DNAH2: variants seen among roughly 807,000 people sequenced by gnomAD.
DNAH2 encodes dynein axonemal heavy chain 2.
A neutral mutation model predicts 523.5 loss-of-function variants in DNAH2; 323 were observed. That is an observed-to-expected ratio of 0.62 (90% CI 0.56 to 0.68). The LOEUF (loss-of-function observed/expected upper bound fraction) is 0.68, where lower values mean the gene tolerates loss of function less well. Among genes scored for constraint, DNAH2 ranks in the 30% least tolerant of loss-of-function variants. The pLI is 0.00. For missense variants in DNAH2, 4,907 were observed against 5,701.5 expected, an observed-to-expected ratio of 0.86 and a Z score of 4.49; for synonymous variants, 2,093 against 2,177.4, an observed-to-expected ratio of 0.96 and a Z score of 1.08.
In DNAH2 at chr17:7,763,841, G is replaced by A; in HGVS notation, c.2989G>A (p.Val997Ile). The stretch of plus-strand genomic sequence containing the variant: ...CTGGGGCTCTTGCAGCTACACGGAA[G>A]TTGCTAATAACGTGCAGAAGGAGGA... Reference protein sequence around the residue: ...FVADIARYTEVANNVQKEETV... With the variant: ...FVADIARYTEIANNVQKEETV... Residue 997 changes from valine (V) to isoleucine (I), a missense_variant, in exon 19 of 86, where the codon GTT becomes ATT. Transcript: ENST00000572933. 1 of 1,614,162 alleles carries A rather than the reference G, an allele frequency of 6.2e-7. No individual in the cohort carries two copies. The highest frequency in any genetic ancestry group is 1.1e-5 in the South Asian group (1 of 91,090).
intron 5 of DNAH2, among the ~76,000 whole-genome samples, chr17:7,733,718 C>T (rs528048305): frequency 6.6e-6 from 1 of 152,120 alleles, no homozygotes; most frequent in South Asian, 2.1e-4. Flanking sequence ...ACCTCATGAT[C>T]CACCCGCCTT....
chr17:7,735,862 C>T (rs1452761219), intron 7 of DNAH2, among the ~76,000 whole-genome samples: 1 of 152,110 alleles, frequency 6.6e-6, no homozygotes, highest in Non-Finnish European at 1.5e-5. Flanking sequence ...AAGCGATTCT[C>T]CTGCCTCAGC....
At position 7,763,971 on chromosome 17, in the gene DNAH2, G is replaced by A. The variant is rs778264907; in HGVS notation, c.3119G>A (p.Arg1040Lys). ...CAGAACAAGTTCGCGACTCTGCTCA[G>A]GGAGATGGCTGCTGGGCGCCTCCTG... The part of the protein sequence containing the change: ...EWQNKFATLL[R>K]EMAAGRLLEL... The change falls in exon 19 of 86, where the codon AGG becomes AAG. Residue 1040 changes from arginine to lysine, a missense_variant. By Grantham distance (26) the Arg-to-Lys change is conservative. Around this residue, in one of 3 missense-constraint regions of DNAH2, gnomAD observed 2,806 missense variants for 3,190.8 expected, o/e 0.88. Coordinates refer to ENST00000572933, the MANE Select transcript of DNAH2 (RefSeq NM_020877.5). 105 of 1,614,086 alleles carry A rather than the reference G, an allele frequency of 6.5e-5. No homozygotes were observed. The highest frequency in any genetic ancestry group is 5.0e-4 in the Admixed American group (30 of 60,002).
chr17:7,786,568 A>AGGAGTTCC lies in DNAH2; in HGVS notation c.6349-1_6355dup. On this transcript the variant is annotated splice_acceptor_variant, in intron 40 of 85. Transcript: ENST00000572933. LOFTEE classifies it high-confidence loss of function. This position sits in a 1 kb window ranked among gnomAD's most constrained non-coding sequence, Gnocchi z 7.5. ...TAAAACCCCTTCCGGTGTCATTTTC[A>AGGAGTTCC]GGAGTTCCCTTTGAACCCCAAGGCA... 6.2e-7 allele frequency: 1 copy of AGGAGTTCC among 1,612,890 alleles called. No homozygotes were observed. Among genetic ancestry groups the AGGAGTTCC allele is most frequent in the Non-Finnish European group, 8.5e-7 (1 of 1,179,226 alleles).
chr17:7,798,829 C>T lies in DNAH2; in HGVS notation c.8559+111C>T. On this transcript the variant is annotated intron_variant, in intron 55 of 85. Coordinates refer to ENST00000572933, the MANE Select transcript of DNAH2 (RefSeq NM_020877.5). This position sits in a 1 kb window ranked among gnomAD's most constrained non-coding sequence, Gnocchi z 5.5. ...ACTGGCACACCCCCACTGCCACACC[C>T]CCACTGCCCACCTCAGCCCTGTAAG... The T allele has an allele frequency of 5.1e-6, 7 of 1,378,912 alleles. No homozygotes were observed. Among genetic ancestry groups the T allele is most frequent in the Admixed American group, 1.9e-5 (1 of 51,876 alleles). The allele number at this position is 1,378,912 out of a possible 1,614,324, so 85.4% of individuals were successfully genotyped here.
In DNAH2 at chr17:7,817,791, T is replaced by G. The variant is rs779997677; in HGVS notation, c.10171T>G (p.Trp3391Gly). ...CTCTGACCTGTACTCCCCTTCCAGGTGGGCACTGATGATCGACCCTCAGGC... is the reference window on the plus strand; with the variant it reads ...CTCTGACCTGTACTCCCCTTCCAGGGGGGCACTGATGATCGACCCTCAGGC... ...NGIIVTRGNR[W>G]ALMIDPQAQA... Residue 3391 changes from tryptophan to glycine, a missense_variant and splice_region_variant, in exon 67 of 86, where the codon TGG (tryptophan) becomes GGG (glycine). Coordinates refer to ENST00000572933, the MANE Select transcript of DNAH2 (RefSeq NM_020877.5). 1 of 1,613,930 alleles carries G rather than the reference T, an allele frequency of 6.2e-7. No individual in the cohort carries two copies. Among genetic ancestry groups the G allele is most frequent in the Non-Finnish European group, 8.5e-7 (1 of 1,179,986 alleles).
intron 11 of DNAH2, among the ~76,000 whole-genome samples, chr17:7,741,859 C>A (rs1220194716): frequency 1.3e-5 from 2 of 150,188 alleles, no homozygotes; most frequent in African/African-American, 2.5e-5. Flanking sequence ...GAAGAGGTTT[C>A]TCCATGTTGG....
chr17:7,823,628 G>A lies in DNAH2; in HGVS notation c.11329G>A (p.Gly3777Ser). ...TGCCCCGGAGAAGGCGATGCTGCCA[G>A]GTACCAGGCGTCTGTGTCCCACTCT... ...NAAPEKAMLP[G>S]EWENACNEMQ... Residue 3777 changes from glycine to serine, a missense_variant and splice_region_variant, in exon 74 of 86, where the codon GGT becomes AGT. By Grantham distance (56) the Gly-to-Ser change is moderately conservative. Transcript: ENST00000572933. 1.2e-6 allele frequency: 2 copies of A among 1,613,538 alleles called. No individual in the cohort carries two copies. Among genetic ancestry groups the A allele is most frequent in the South Asian group, 2.2e-5 (2 of 91,046 alleles).
At chr17:7,787,071 C>T in intron 42 of DNAH2, 38 bp downstream of exon 42, 1 of 1,610,272 alleles carries the variant, frequency 6.2e-7, no homozygotes, top group Non-Finnish European at 8.5e-7. Flanking sequence ...CCTGCAGAGG[C>T]AGGCACCGGA....
At chr17:7,724,684 T>C (rs912959727) in intron 3 of DNAH2, among the ~76,000 whole-genome samples, 1 of 151,706 alleles carries the variant, frequency 6.6e-6, no homozygotes, top group African/African-American at 2.4e-5. Context: ...CTTTTACTTT[T>C]GTGCACAGGT....
At chr17:7,811,196 T>C (rs2077507793) in intron 63 of DNAH2, among the ~76,000 whole-genome samples, 1 of 152,200 alleles carries the variant, frequency 6.6e-6, no homozygotes, top group African/African-American at 2.4e-5. Context: ...TTGTCCAACA[T>C]AACATATCAG....
At position 7,798,036 on chromosome 17, in the gene DNAH2, C is replaced by G. The variant is rs1183803647; in HGVS notation, c.8231-121C>G. ...CCTCCTGGGCCTTGGGCACCAACTT[C>G]TTCTCATACCTCTTGGTTCCTCTGC... is the stretch of plus-strand genomic sequence containing the variant. On this transcript the variant is annotated intron_variant, in intron 53 of 85. Coordinates refer to ENST00000572933, the MANE Select transcript of DNAH2 (RefSeq NM_020877.5). This position sits in a 1 kb window ranked among gnomAD's most constrained non-coding sequence, Gnocchi z 5.5. 7.0e-7 allele frequency: 1 copy of G among 1,419,814 alleles called. No homozygotes were observed. 88.0% of individuals were successfully genotyped at this position (1,419,814 alleles called of 1,614,324 possible).
intron 4 of DNAH2, 48 bp from the exon 5 acceptor site, chr17:7,733,039 C>A: frequency 6.3e-7 from 1 of 1,591,540 alleles, no homozygotes; most frequent in South Asian, 1.1e-5. Context: ...GACTGGGTGT[C>A]ATGGCTGGGC....
chr17:7,758,820 G>T (rs998221805), intron 14 of DNAH2, 65 bp from the exon 15 acceptor site: 10 of 1,595,534 alleles, frequency 6.3e-6, no homozygotes, highest in Non-Finnish European at 8.5e-6. Context: ...AAGTGGGAGG[G>T]TAGAATGAGG....
intron 26 of DNAH2, 35 bp downstream of exon 26, chr17:7,770,674 C>G (rs764938499): frequency 6.2e-7 from 1 of 1,613,644 alleles, no homozygotes; most frequent in Non-Finnish European, 8.5e-7. Context: ...GAATGGAGGG[C>G]TGTGTGACCC....
chr17:7,774,411 A>C (rs1306013195), intron 28 of DNAH2, among the ~76,000 whole-genome samples: 1 of 152,170 alleles, frequency 6.6e-6, no homozygotes, highest in Non-Finnish European at 1.5e-5. Flanking sequence ...TTATTTCTGG[A>C]ATTTTCCATT....
intron 9 of DNAH2, 148 bp from the exon 10 acceptor site, chr17:7,740,272 T>G: frequency 8.1e-7 from 1 of 1,236,176 alleles, no homozygotes; most frequent in Non-Finnish European, 1.1e-6. Flanking sequence ...GTTTTGAGGA[T>G]TAAATGGATT....
At chr17:7,813,800 C>T (rs2077583205) in intron 63 of DNAH2, among the ~76,000 whole-genome samples, 2 of 151,316 alleles carry the variant, frequency 1.3e-5, no homozygotes, top group African/African-American at 2.4e-5. Flanking sequence ...CCCAGCTACT[C>T]GGAAGGCTGA....
chr17:7,736,957 G>A (rs914381598), intron 7 of DNAH2, 110 bp from the exon 8 acceptor site: 19 of 1,032,406 alleles, frequency 1.8e-5, no homozygotes, highest in African/African-American at 6.5e-5. Context: ...ACTCCAGCCC[G>A]GGTGACAAGA....
Sources: allele counts gnomAD v4.1 joint callset (sites outside exome capture counted in the v4.1 genomes callset), GRCh38; gene constraint gnomAD v4.1.1; regional missense constraint gnomAD v4.1.1; non-coding constraint Gnocchi (gnomAD v3.1); transcripts MANE v1.5; gene names NCBI Gene and HGNC (gene_info 2026-07-23, HGNC 2026-07-21).